Variants in ICOS observed in about 807,000 individuals in gnomAD.
The protein encoded by ICOS is inducible T cell costimulator.
In ICOS, 15 loss-of-function variants were observed where a neutral mutation model predicts 24.6. The ratio of observed to expected loss-of-function variants is 0.61; its 90% CI spans 0.41 to 0.94. ICOS has a LOEUF of 0.94. ICOS is among the 40% of genes least tolerant of loss of function. The probability of loss-of-function intolerance (pLI) is 0.00; values close to 1 mark genes in which losing one functional copy is unlikely to be tolerated. For synonymous variants in ICOS, 89 were observed against 77.5 expected (o/e 1.15, Z -0.78); for missense variants, 200 against 233.0 (o/e 0.86, Z 0.92).
At chr2:203,957,992 C>A in intron 4 of ICOS, 109 bp downstream of exon 4, 2 of 672,186 alleles carry the variant, frequency 3.0e-6, no homozygotes, top group South Asian at 1.7e-5. Flanking sequence ...ATCTCCAAGG[C>A]CTAATTCTAG....
chr2:203,940,842 G>A (rs1191156240), intron 1 of ICOS, among the ~76,000 whole-genome samples: 2 of 151,934 alleles, frequency 1.3e-5, no homozygotes, highest in African/African-American at 4.8e-5. Context: ...GGAGTGCAGT[G>A]GCGCAATCTC....
chr2:203,959,505 G>T (rs1559036875), intron 4 of ICOS, 81 bp from the exon 5 acceptor site: 10 of 1,125,138 alleles, frequency 8.9e-6, no homozygotes, highest in Admixed American at 3.4e-5. Flanking sequence ...TGTATGAAAG[G>T]CAATGGAGAG....
At chr2:203,959,364 G>A (rs918343115) in intron 4 of ICOS, among the ~76,000 whole-genome samples, 1 of 152,164 alleles carries the variant, frequency 6.6e-6, no homozygotes, top group Non-Finnish European at 1.5e-5. Context: ...GATAATGTCT[G>A]TTATAGGAGT....
At chr2:203,958,570 G>A (rs1430744928) in intron 4 of ICOS, among the ~76,000 whole-genome samples, 7 of 152,198 alleles carry the variant, frequency 4.6e-5, no homozygotes, top group African/African-American at 1.4e-4. Flanking sequence ...AATGATGTGC[G>A]ATGTGTAATG....
intron 1 of ICOS, among the ~76,000 whole-genome samples, chr2:203,953,319 T>C (rs1690017992): frequency 6.6e-6 from 1 of 152,244 alleles, no homozygotes; most frequent in South Asian, 2.1e-4. Flanking sequence ...GTTCTGGTTC[T>C]CTCTTCAAAT....
chr2:203,955,307 T>C (rs756585448), intron 1 of ICOS, among the ~76,000 whole-genome samples: 1 of 152,152 alleles, frequency 6.6e-6, no homozygotes, highest in Non-Finnish European at 1.5e-5. Context: ...TTTATTCCTT[T>C]ACCATCTGCC....
chr2:203,941,259 T>TGGGGA (rs1553497970), intron 1 of ICOS, among the ~76,000 whole-genome samples: 1 of 152,226 alleles, frequency 6.6e-6, no homozygotes, highest in Non-Finnish European at 1.5e-5. Context: ...TATTCTTATG[T>TGGGGA]AAGATCTTGA....
At chr2:203,940,220 C>G (rs1689738549) in intron 1 of ICOS, among the ~76,000 whole-genome samples, 2 of 152,136 alleles carry the variant, frequency 1.3e-5, no homozygotes, top group Admixed American at 1.3e-4. Flanking sequence ...TCTTCCTTTC[C>G]CACTCTCACA....
At chr2:203,956,808 A>T (rs1310613584) in intron 3 of ICOS, 43 bp downstream of exon 3, 1 of 1,251,728 alleles carries the variant, frequency 8.0e-7, no homozygotes, top group Non-Finnish European at 1.2e-6. Flanking sequence ...TTACAGATGC[A>T]CATCAGTGAT....
At chr2:203,954,746 T>C (rs183996832) in intron 1 of ICOS, among the ~76,000 whole-genome samples, 105 of 152,024 alleles carry the variant, frequency 6.9e-4, no homozygotes, top group African/African-American at 2.4e-3. Context: ...TTTTACTCTT[T>C]AGCAGGAGGA....
chr2:203,951,571 A>G (rs1689974055), intron 1 of ICOS, among the ~76,000 whole-genome samples: 1 of 152,142 alleles, frequency 6.6e-6, no homozygotes, highest in Non-Finnish European at 1.5e-5. Context: ...CCAACCATTC[A>G]TGTCCTCTTG....
intron 1 of ICOS, among the ~76,000 whole-genome samples, chr2:203,937,456 A>G (rs1167483503): frequency 6.6e-6 from 1 of 152,146 alleles, no homozygotes; most frequent in Admixed American, 6.5e-5. Context: ...TACAAAAAAG[A>G]TCATTCTGGA....
chr2:203,952,100 T>G (rs2105751843), intron 1 of ICOS, among the ~76,000 whole-genome samples: 1 of 152,352 alleles, frequency 6.6e-6, no homozygotes, highest in East Asian at 1.9e-4. Context: ...TAAAGCATAC[T>G]ATCTTACCCT....
At chr2:203,937,668 A>C (rs1056082090) in intron 1 of ICOS, among the ~76,000 whole-genome samples, 1 of 152,236 alleles carries the variant, frequency 6.6e-6, no homozygotes, top group Admixed American at 6.5e-5. Flanking sequence ...AATAACTTAA[A>C]TAATCAAATA....
chr2:203,953,747 C>A (rs577144446), intron 1 of ICOS, among the ~76,000 whole-genome samples: 1 of 152,160 alleles, frequency 6.6e-6, no homozygotes, highest in African/African-American at 2.4e-5. Context: ...TGAAAATAAT[C>A]CCAATATCCA....
intron 2 of ICOS, 107 bp from the exon 3 acceptor site, chr2:203,956,552 C>A: frequency 1.2e-6 from 1 of 804,316 alleles, no homozygotes; most frequent in Non-Finnish European, 2.2e-6. Context: ...GATTTCATGA[C>A]TATAATAAAG....
chr2:203,942,941 AT>A (rs1689803673), intron 1 of ICOS, among the ~76,000 whole-genome samples: 1 of 152,188 alleles, frequency 6.6e-6, no homozygotes, highest in African/African-American at 2.4e-5. Context: ...GTTCAATTCT[AT>A]TGCTGAGACT....
Position 203,959,632 on chromosome 2 carries a change from T to G in ICOS, c.*33T>G. ...CTCTGGCACCCAGGCATGAAGCACGTTGGCCAGTTTTCCTCAACTTGAAGT... is the reference window on the plus strand; with the variant it reads ...CTCTGGCACCCAGGCATGAAGCACGGTGGCCAGTTTTCCTCAACTTGAAGT... On this transcript the variant is annotated 3_prime_UTR_variant, in exon 5 of 5. Transcript: ENST00000316386. The G allele has an allele frequency of 6.2e-7, 1 of 1,609,348 alleles. No homozygotes were observed. The highest frequency in any genetic ancestry group is 8.5e-7 in the Non-Finnish European group (1 of 1,176,078).
At chr2:203,942,588 A>C (rs1231763230) in intron 1 of ICOS, among the ~76,000 whole-genome samples, 1 of 152,260 alleles carries the variant, frequency 6.6e-6, no homozygotes, top group Non-Finnish European at 1.5e-5. Flanking sequence ...TAACCCTTTC[A>C]ATCACAGAAC....
Sources: gnomAD v4.1 joint callset for allele counts (sites outside exome capture counted in the v4.1 genomes callset) on GRCh38, gnomAD v4.1.1 for gene constraint, MANE v1.5 for transcripts, NCBI Gene and HGNC (gene_info 2026-07-23, HGNC 2026-07-21) for gene names.